Variants in LNPK observed in about 807,000 individuals in gnomAD.
LNPK encodes the protein endoplasmic reticulum junction formation protein lunapark.
Under a neutral mutation model 55.2 loss-of-function variants are expected in LNPK, and 29 were observed. The observed-to-expected ratio is 0.53, with a 90% CI of 0.39 to 0.72. The LOEUF (loss-of-function observed/expected upper bound fraction) is 0.72, where lower values mean the gene tolerates loss of function less well. Among genes scored for constraint, LNPK ranks in the 30% least tolerant of loss-of-function variants. LNPK has a pLI of 0.00. For synonymous variants in LNPK, 162 were observed against 168.2 expected (o/e 0.96, Z 0.29); for missense variants, 467 against 494.8 (o/e 0.94, Z 0.53).
intron 4 of LNPK, among the ~76,000 whole-genome samples, chr2:175,984,174 C>A (rs909233150): frequency 6.9e-6 from 1 of 145,352 alleles, no homozygotes; most frequent in Non-Finnish European, 1.5e-5. Context: ...ATATATCCAA[C>A]AAAGAACTTT....
At chr2:175,969,431 C>A (rs1686549754) in intron 6 of LNPK, among the ~76,000 whole-genome samples, 1 of 152,156 alleles carries the variant, frequency 6.6e-6, no homozygotes, top group Non-Finnish European at 1.5e-5. Flanking sequence ...GAGATTTTCC[C>A]AAATCATATG....
chr2:175,981,626 C>T (rs1036032614), intron 4 of LNPK, among the ~76,000 whole-genome samples: 1 of 152,126 alleles, frequency 6.6e-6, no homozygotes, highest in Non-Finnish European at 1.5e-5. Context: ...GCAAAAGGAA[C>T]ACAAGAACAG....
At chr2:175,946,615 T>C (rs1315403890) in intron 9 of LNPK, among the ~76,000 whole-genome samples, 1 of 152,170 alleles carries the variant, frequency 6.6e-6, no homozygotes, top group Non-Finnish European at 1.5e-5. Flanking sequence ...CCATTTTTTA[T>C]TGATTTTACT....
intron 6 of LNPK, among the ~76,000 whole-genome samples, chr2:175,969,653 T>C (rs1018025023): frequency 6.6e-5 from 10 of 152,220 alleles, no homozygotes; most frequent in African/African-American, 2.4e-4. Context: ...AAACCAATCA[T>C]ATCACAACTT....
chr2:175,965,114 G>A (rs915890096), intron 6 of LNPK, among the ~76,000 whole-genome samples: 1 of 152,160 alleles, frequency 6.6e-6, no homozygotes, highest in African/African-American at 2.4e-5. Context: ...TGGGAGAACA[G>A]CCATGGAATT....
chr2:175,933,960 C>T (rs1419746704), intron 12 of LNPK, among the ~76,000 whole-genome samples: 1 of 152,062 alleles, frequency 6.6e-6, no homozygotes, highest in African/African-American at 2.4e-5. Context: ...CTCGAACTGA[C>T]CTTGTGATCC....
intron 9 of LNPK, among the ~76,000 whole-genome samples, chr2:175,944,081 T>C (rs1292290221): frequency 6.6e-6 from 1 of 152,212 alleles, no homozygotes; most frequent in East Asian, 1.9e-4. Context: ...TTTATCAAGG[T>C]TATAGGATAC....
In LNPK at chr2:175,937,375, A is replaced by G; in HGVS notation, c.1023T>C (p.Ser341=). 1 of 1,613,702 alleles carries G rather than the reference A, an allele frequency of 6.2e-7. No homozygotes were observed. Among genetic ancestry groups the G allele is most frequent in the Non-Finnish European group, 8.5e-7 (1 of 1,179,744 alleles). The part of the protein sequence containing the change: ...SSSVGPLPSG[S]VLSSDNQFNE... The stretch of plus-strand genomic sequence containing the variant: ...TAAACTGGTTGTCTGATGAAAGCAC[A>G]CTTCCTGATGGCAAGGGACCAACTG... Residue 341 remains serine (S), a synonymous_variant, in exon 12 of 13, where the codon AGT becomes AGC. Transcript: ENST00000272748.
At chr2:175,942,028 T>C (rs1334870861) in intron 9 of LNPK, among the ~76,000 whole-genome samples, 2 of 151,806 alleles carry the variant, frequency 1.3e-5, no homozygotes, top group African/African-American at 4.8e-5. Context: ...TTTACAGATA[T>C]ACAAAACTGA....
At chr2:176,002,412 T>C (rs2105383568), upstream of LNPK, 1 of 340,418 alleles carries the variant, frequency 2.9e-6, no homozygotes, top group South Asian at 2.2e-5. Context: ...GGTTAGGATC[T>C]TGTGTTTGTG....
intron 8 of LNPK, among the ~76,000 whole-genome samples, chr2:175,950,197 C>T (rs1685329986): frequency 6.6e-6 from 1 of 152,054 alleles, no homozygotes; most frequent in Non-Finnish European, 1.5e-5. Context: ...TGATGACATG[C>T]CTATATTAGG....
chr2:175,965,127 C>T (rs575425236), intron 6 of LNPK, among the ~76,000 whole-genome samples: 1 of 152,168 alleles, frequency 6.6e-6, no homozygotes, highest in African/African-American at 2.4e-5. Flanking sequence ...ATGGAATTTG[C>T]TCAAATGACT....
At position 175,927,120 on chromosome 2, in the gene LNPK, A is replaced by G. The variant is rs1684044741; in HGVS notation, c.*2847T>C. On this transcript the variant is annotated 3_prime_UTR_variant, in exon 13 of 13. Coordinates refer to ENST00000272748, the MANE Select transcript of LNPK (RefSeq NM_030650.3). ...ACACTTACAGGACGTTGAGAGCAAG[A>G]GGCCAGAGAAATAAGAGAATAATAG... 2 of 152,224 alleles carry G rather than the reference A, an allele frequency of 1.3e-5. No homozygotes were observed. Among genetic ancestry groups the G allele is most frequent in the African/African-American group, 4.8e-5 (2 of 41,446 alleles). 9.4% of individuals were successfully genotyped at this position (152,224 alleles called of 1,614,324 possible).
In LNPK at chr2:175,958,877, A is replaced by T. The variant is rs183807633; in HGVS notation, c.493+5495T>A. ...ATAAACAGCATAGAGAAGACCTTAA[A>T]TGACCTGATGGAGCTGAAAACCATA... On this transcript the variant is annotated intron_variant, in intron 8 of 12. Transcript: ENST00000272748. Among the ~76,000 whole-genome samples, 430 of 152,330 alleles carry T rather than the reference A, an allele frequency of 2.8e-3. 1 individual carries two copies. Among genetic ancestry groups the T allele is most frequent in the Non-Finnish European group, 5.0e-3 (337 of 68,028 alleles).
At chr2:175,940,505 T>C (rs1684781146) in intron 9 of LNPK, among the ~76,000 whole-genome samples, 1 of 152,066 alleles carries the variant, frequency 6.6e-6, no homozygotes, top group Non-Finnish European at 1.5e-5. Flanking sequence ...CCATTTCCAA[T>C]CAGAGTGGGA....
At chr2:175,993,364 A>T (rs555952717) in intron 2 of LNPK, 141 bp from the exon 3 acceptor site, 2 of 488,434 alleles carry the variant, frequency 4.1e-6, no homozygotes, top group Admixed American at 8.3e-5. Flanking sequence ...TATAACTAAG[A>T]TTTATTTAAA....
chr2:175,992,481 A>G, intron 3 of LNPK, 63 bp from the exon 4 acceptor site: 1 of 1,030,670 alleles, frequency 9.7e-7, no homozygotes, highest in Non-Finnish European at 1.3e-6. Flanking sequence ...TTAAAATGTT[A>G]AAAAATTTTA....
At chr2:175,936,754 A>G (rs1684564754) in intron 12 of LNPK, among the ~76,000 whole-genome samples, 1 of 152,188 alleles carries the variant, frequency 6.6e-6, no homozygotes, top group African/African-American at 2.4e-5. Context: ...ATAAATTCTG[A>G]TAAATTATTT....
intron 4 of LNPK, among the ~76,000 whole-genome samples, chr2:175,987,810 A>G (rs971041749): frequency 6.6e-6 from 1 of 152,220 alleles, no homozygotes; most frequent in Non-Finnish European, 1.5e-5. Context: ...CTACAGCATG[A>G]ATTTTTGTTC....
Sources: gnomAD v4.1 joint callset for allele counts (sites outside exome capture counted in the v4.1 genomes callset) on GRCh38, gnomAD v4.1.1 for gene constraint, MANE v1.5 for transcripts, NCBI Gene and HGNC (gene_info 2026-07-23, HGNC 2026-07-21) for gene names.